MNAT1: variants seen among roughly 807,000 people sequenced by gnomAD.
MNAT1 encodes MNAT1 component of CDK activating kinase.
A neutral mutation model predicts 42.0 loss-of-function variants in MNAT1; 43 were observed. That is an observed-to-expected ratio of 1.02 (90% CI 0.80 to 1.32). The LOEUF (loss-of-function observed/expected upper bound fraction) is 1.32, where lower values mean the gene tolerates loss of function less well. Ranked by LOEUF, MNAT1 falls within the 40% of genes most tolerant of loss-of-function variation. MNAT1 has a pLI of 0.00. For missense variants in MNAT1, 306 were observed against 350.4 expected, an observed-to-expected ratio of 0.87 and a Z score of 1.01; for synonymous variants, 118 against 120.0, an observed-to-expected ratio of 0.98 and a Z score of 0.11.
At chr14:60,796,017 G>C (rs986308959) in intron 1 of MNAT1, among the ~76,000 whole-genome samples, 200 bp from the exon 2 acceptor site, 18 of 152,038 alleles carry the variant, frequency 1.2e-4, no homozygotes, top group Admixed American at 3.3e-4. Context: ...AACTAAACTG[G>C]TATCACTTGG....
At chr14:60,812,262 G>A in intron 5 of MNAT1, 135 bp downstream of exon 5, 1 of 773,462 alleles carries the variant, frequency 1.3e-6, no homozygotes, top group Non-Finnish European at 1.9e-6. Context: ...TGTTGGTTAT[G>A]TATTGATATC....
At chr14:60,947,004 T>C (rs1206681866) in intron 7 of MNAT1, among the ~76,000 whole-genome samples, 1 of 152,174 alleles carries the variant, frequency 6.6e-6, no homozygotes, top group Non-Finnish European at 1.5e-5. Context: ...TGGTATCTGT[T>C]CTTGTAAGGG....
chr14:60,808,184 G>A (rs183459955), intron 3 of MNAT1, 141 bp from the exon 4 acceptor site: 1 of 514,532 alleles, frequency 1.9e-6, no homozygotes, highest in African/African-American at 2.0e-5. Context: ...CTCTAAAATA[G>A]GTAGCTGATT....
At chr14:60,890,925 A>G (rs2034830011) in intron 7 of MNAT1, among the ~76,000 whole-genome samples, 1 of 152,132 alleles carries the variant, frequency 6.6e-6, no homozygotes, top group South Asian at 2.1e-4. Context: ...CTTCCATCCA[A>G]TCAAGTTGAC....
At chr14:60,843,682 G>A (rs544751075) in intron 6 of MNAT1, among the ~76,000 whole-genome samples, 2 of 152,154 alleles carry the variant, frequency 1.3e-5, no homozygotes, top group Non-Finnish European at 2.9e-5. Context: ...GTTTTACAAT[G>A]TGTTGAACAT....
chr14:60,806,518 C>G (rs1290656321), intron 3 of MNAT1, among the ~76,000 whole-genome samples: 2 of 152,158 alleles, frequency 1.3e-5, no homozygotes, highest in African/African-American at 4.8e-5. Context: ...GATAAAAGTT[C>G]AGGTTTGGAA....
intron 7 of MNAT1, among the ~76,000 whole-genome samples, chr14:60,948,298 G>T (rs745370918): frequency 7.9e-5 from 12 of 152,040 alleles, no homozygotes; most frequent in Non-Finnish European, 1.8e-4. Flanking sequence ...GGGCATGGTG[G>T]TGCATGCCTG....
chr14:60,825,156 C>G (rs965776758), intron 6 of MNAT1, among the ~76,000 whole-genome samples: 15 of 152,062 alleles, frequency 9.9e-5, no homozygotes. Context: ...ATAGGATAGC[C>G]AATCCTCAGC....
At chr14:60,964,514 C>G (rs1474886995) in intron 7 of MNAT1, among the ~76,000 whole-genome samples, 5 of 152,022 alleles carry the variant, frequency 3.3e-5, no homozygotes, top group Non-Finnish European at 7.4e-5. Context: ...GGTATAGGTA[C>G]CAAAATAAGC....
chr14:60,814,217 G>T (rs1456614634), intron 5 of MNAT1, among the ~76,000 whole-genome samples: 1 of 152,054 alleles, frequency 6.6e-6, no homozygotes, highest in Non-Finnish European at 1.5e-5. Flanking sequence ...ATTTTTGCTT[G>T]AAAGAAATAG....
intron 7 of MNAT1, among the ~76,000 whole-genome samples, chr14:60,932,496 A>G (rs1015384488): frequency 6.6e-6 from 1 of 152,030 alleles, no homozygotes; most frequent in African/African-American, 2.4e-5. Flanking sequence ...AATGATTAAT[A>G]TAGTTCAAGA....
chr14:60,763,519 A>G (rs530258038), intron 1 of MNAT1, among the ~76,000 whole-genome samples: 8 of 152,280 alleles, frequency 5.3e-5, no homozygotes, highest in African/African-American at 1.9e-4. Context: ...CATTTTATGT[A>G]TTGGACTCCA....
chr14:60,767,966 A>G (rs554368862), intron 1 of MNAT1, among the ~76,000 whole-genome samples: 2 of 151,958 alleles, frequency 1.3e-5, no homozygotes, highest in African/African-American at 4.8e-5. Context: ...GGGTTTCACC[A>G]TGTTGGTCAG....
rs765268235 is a variant in MNAT1, at chr14:60,734,921, A to C, written c.59A>C (p.Lys20Thr). The change falls in exon 1 of 8, where the codon AAG becomes ACG. Residue 20 changes from lysine to threonine, a missense_variant. Around this residue, in one of 3 missense-constraint regions of MNAT1, gnomAD observed 72 missense variants for 111.0 expected, o/e 0.65. Transcript: ENST00000261245. The surrounding 1 kb of genome is among the most constrained non-coding windows in gnomAD (Gnocchi z 4.3). Reference sequence around the variant, plus strand: ...ACCAAATATCGGAACCCCTCCTTGAAGCTGATGGTGAATGTGTGCGGACAC... The same window carrying C: ...ACCAAATATCGGAACCCCTCCTTGACGCTGATGGTGAATGTGTGCGGACAC... ...KTTKYRNPSLKLMVNVCGHTL... is the reference protein window; with the variant it reads ...KTTKYRNPSLTLMVNVCGHTL... The C allele has an allele frequency of 6.2e-7, 1 of 1,613,976 alleles. No homozygotes were observed. Among genetic ancestry groups the C allele is most frequent in the Non-Finnish European group, 8.5e-7 (1 of 1,180,014 alleles).
chr14:60,957,363 G>C (rs2036505029), intron 7 of MNAT1, among the ~76,000 whole-genome samples: 1 of 152,190 alleles, frequency 6.6e-6, no homozygotes, highest in African/African-American at 2.4e-5. Flanking sequence ...TGGTTGGGGA[G>C]GCCTCACAAT....
intron 6 of MNAT1, among the ~76,000 whole-genome samples, chr14:60,875,012 A>T (rs922643712): frequency 3.9e-5 from 6 of 152,104 alleles, no homozygotes; most frequent in African/African-American, 1.4e-4. Flanking sequence ...GGAAAGATAG[A>T]TGGAATGTTG....
intron 7 of MNAT1, among the ~76,000 whole-genome samples, chr14:60,894,276 T>G (rs2034905466): frequency 6.6e-6 from 1 of 151,638 alleles, no homozygotes; most frequent in Non-Finnish European, 1.5e-5. Flanking sequence ...GAGGCTTGGA[T>G]GTTTTTTTTT....
chr14:60,905,403 A>C (rs4151335), intron 7 of MNAT1, among the ~76,000 whole-genome samples: 87 of 152,348 alleles, frequency 5.7e-4, no homozygotes, highest in East Asian at 5.6e-3. Flanking sequence ...GATATAGCAG[A>C]TAAACCAGGG....
chr14:60,852,721 T>C (rs933276182), intron 6 of MNAT1, among the ~76,000 whole-genome samples: 9 of 152,224 alleles, frequency 5.9e-5, no homozygotes, highest in Non-Finnish European at 8.8e-5. Flanking sequence ...TTAATTTTTG[T>C]ATAAGGTGTA....
Sources: gnomAD v4.1 joint callset for allele counts (sites outside exome capture counted in the v4.1 genomes callset) on GRCh38, gnomAD v4.1.1 for gene constraint, gnomAD v4.1.1 regional missense constraint, Gnocchi (gnomAD v3.1) non-coding constraint, MANE v1.5 for transcripts, NCBI Gene and HGNC (gene_info 2026-07-23, HGNC 2026-07-21) for gene names.